SAMD3: variants seen among roughly 807,000 people sequenced by gnomAD.
SAMD3 encodes sterile alpha motif domain containing 3.
Under a neutral mutation model 58.5 loss-of-function variants are expected in SAMD3, and 63 were observed. That is an observed-to-expected ratio of 1.08 (90% CI 0.88 to 1.33). SAMD3 has a LOEUF of 1.33. SAMD3 is among the 40% of genes most tolerant of loss of function. The pLI, the probability that SAMD3 is intolerant of heterozygous loss-of-function variation, is 0.00. For synonymous variants in SAMD3, 220 were observed against 210.3 expected (o/e 1.05, Z -0.40); for missense variants, 604 against 608.4 (o/e 0.99, Z 0.08).
chr6:130,207,159 C>CAAAAAAAAAAAAAAAAAAAAAAAA (rs376844642), intron 5 of SAMD3, among the ~76,000 whole-genome samples: 1 of 52,706 alleles, frequency 1.9e-5, no homozygotes, highest in East Asian at 3.7e-4. Context: ...CCCATCTCAT[C>CAAAAAAAAAAAAAAAAAAAAAAAA]AAAAAAAAAA....
intron 2 of SAMD3, among the ~76,000 whole-genome samples, chr6:130,271,419 A>G (rs1217488583): frequency 1.3e-5 from 2 of 152,124 alleles, no homozygotes; most frequent in African/African-American, 2.4e-5. Context: ...TGTGATTTTT[A>G]TTAGCATTTT....
chr6:130,257,702 A>G (rs1773971628), intron 2 of SAMD3, among the ~76,000 whole-genome samples: 1 of 152,180 alleles, frequency 6.6e-6, no homozygotes, highest in African/African-American at 2.4e-5. Context: ...TGAAATTATA[A>G]TGGACACACA....
intron 2 of SAMD3, among the ~76,000 whole-genome samples, chr6:130,231,503 G>T (rs1206134678): frequency 6.6e-6 from 1 of 152,154 alleles, no homozygotes; most frequent in Non-Finnish European, 1.5e-5. Flanking sequence ...GGCGGAGGTT[G>T]CCGTGAGCCA....
chr6:130,352,114 A>C (rs1777693073), intron 1 of SAMD3, among the ~76,000 whole-genome samples: 1 of 151,994 alleles, frequency 6.6e-6, no homozygotes, highest in South Asian at 2.1e-4. Flanking sequence ...CCTAATGTTA[A>C]ATGACGAGTT....
At chr6:130,176,118 A>AT (rs1791701620) in intron 7 of SAMD3, 110 bp from the exon 8 acceptor site, 1 of 840,090 alleles carries the variant, frequency 1.2e-6, no homozygotes, top group Non-Finnish European at 2.0e-6. Flanking sequence ...GCTTGAAATT[A>AT]TTTTCACATC....
At position 130,170,479 on chromosome 6, in the gene SAMD3, C is replaced by T. The variant is rs995986935; in HGVS notation, c.822+5362G>A. On this transcript the variant is annotated intron_variant, in intron 8 of 11. Transcript: ENST00000439090. ...CATTTGGGTTGGTTCCAAGTCTTTG[C>T]GATTGTAAATACTGGTAGCTTGATG... Among the ~76,000 whole-genome samples the T allele has an allele frequency of 2.0e-5, 3 of 152,182 alleles. No homozygotes were observed. In the South Asian group the frequency reaches 6.2e-4, roughly 32 times the overall value.
At chr6:130,335,659 A>G (rs2115017480) in intron 1 of SAMD3, among the ~76,000 whole-genome samples, 1 of 152,336 alleles carries the variant, frequency 6.6e-6, no homozygotes, top group East Asian at 1.9e-4. Context: ...CCATCCCATT[A>G]CTGGGTATAT....
At chr6:130,252,742 C>G in intron 2 of SAMD3, among the ~76,000 whole-genome samples, 1 of 152,146 alleles carries the variant, frequency 6.6e-6, no homozygotes, top group East Asian at 1.9e-4. Context: ...AAACAGCTGT[C>G]CACTGGTAGG....
At chr6:130,217,687 T>A (rs1378822744) in intron 1 of SAMD3, among the ~76,000 whole-genome samples, 3 of 152,174 alleles carry the variant, frequency 2.0e-5, no homozygotes, top group African/African-American at 7.2e-5. Flanking sequence ...ATATAAAACA[T>A]CATATAAAAC....
intron 2 of SAMD3, among the ~76,000 whole-genome samples, chr6:130,270,708 C>T (rs533753819): frequency 2.2e-4 from 33 of 152,164 alleles, no homozygotes; most frequent in Non-Finnish European, 3.7e-4. Context: ...ACACATAGAT[C>T]TATTTTATTG....
chr6:130,167,763 G>A (rs879884789), intron 8 of SAMD3, among the ~76,000 whole-genome samples: 3 of 152,196 alleles, frequency 2.0e-5, no homozygotes, highest in Non-Finnish European at 4.4e-5. Context: ...TTGACTGCAC[G>A]ACCATACATG....
intron 2 of SAMD3, among the ~76,000 whole-genome samples, chr6:130,241,962 A>G (rs1773373171): frequency 6.6e-6 from 1 of 152,182 alleles, no homozygotes; most frequent in Non-Finnish European, 1.5e-5. Context: ...TTAAAAGTAT[A>G]TTTAAGAGAC....
At chr6:130,221,729 T>G (rs1796233981) in intron 1 of SAMD3, 1 of 152,348 alleles carries the variant, frequency 6.6e-6, no homozygotes, top group Admixed American at 6.5e-5. Flanking sequence ...TTGGTCTTGC[T>G]GTCTCAGGGG....
At chr6:130,217,445 A>T (rs1019632166) in intron 1 of SAMD3, among the ~76,000 whole-genome samples, 1 of 152,220 alleles carries the variant, frequency 6.6e-6, no homozygotes, top group Non-Finnish European at 1.5e-5. Flanking sequence ...ATTATGTATG[A>T]ATGCTCCTGA....
chr6:130,152,668 C>T (rs1292717463), intron 9 of SAMD3, among the ~76,000 whole-genome samples: 1 of 151,638 alleles, frequency 6.6e-6, no homozygotes, highest in Non-Finnish European at 1.5e-5. Flanking sequence ...CAAAGTAAGA[C>T]TCTGTCTCAA....
chr6:130,361,678 A>T (rs1777992706), intron 1 of SAMD3, among the ~76,000 whole-genome samples: 1 of 152,232 alleles, frequency 6.6e-6, no homozygotes, highest in African/African-American at 2.4e-5. Context: ...TGATGTAGTG[A>T]ATTTTAAAAT....
At chr6:130,154,351 C>T (rs1384386939) in intron 9 of SAMD3, among the ~76,000 whole-genome samples, 1 of 151,734 alleles carries the variant, frequency 6.6e-6, no homozygotes, top group Non-Finnish European at 1.5e-5. Flanking sequence ...GGGCCTCACA[C>T]CCCACTGAGA....
At chr6:130,272,903 C>T (rs1774617888) in intron 2 of SAMD3, among the ~76,000 whole-genome samples, 2 of 152,080 alleles carry the variant, frequency 1.3e-5, no homozygotes, top group Non-Finnish European at 2.9e-5. Flanking sequence ...ACCAGAATGA[C>T]TGGAATCTGT....
intron 1 of SAMD3, among the ~76,000 whole-genome samples, chr6:130,337,455 G>C (rs1777133980): frequency 6.6e-6 from 1 of 152,170 alleles, no homozygotes; most frequent in Admixed American, 6.5e-5. Flanking sequence ...ATAGCAGTGT[G>C]AGAATGGACT....
Sources: allele counts gnomAD v4.1 joint callset (sites outside exome capture counted in the v4.1 genomes callset), GRCh38; gene constraint gnomAD v4.1.1; transcripts MANE v1.5; gene names NCBI Gene and HGNC (gene_info 2026-07-23, HGNC 2026-07-21).